Variants in RPS6KC1 observed in about 807,000 individuals in gnomAD.
The protein encoded by RPS6KC1 is ribosomal protein S6 kinase C1, also known as inactive ribosomal protein S6 kinase delta-1.
A neutral mutation model predicts 103.8 loss-of-function variants in RPS6KC1; 54 were observed. The ratio of observed to expected loss-of-function variants is 0.52; its 90% CI spans 0.42 to 0.65. The LOEUF (loss-of-function observed/expected upper bound fraction) is 0.65, where lower values mean the gene tolerates loss of function less well. RPS6KC1 is among the 30% of genes least tolerant of loss of function. The pLI is 0.00. For missense variants in RPS6KC1, 1,151 were observed against 1,253.8 expected (o/e 0.92, Z 1.24); for synonymous variants, 439 against 438.7 (o/e 1.00, Z -0.01).
chr1:213,162,769 GA>G (rs972405444), intron 6 of RPS6KC1, among the ~76,000 whole-genome samples: 1 of 152,214 alleles, frequency 6.6e-6, no homozygotes. Flanking sequence ...ACTGATAGCA[GA>G]AAAACTGCTA....
chr1:213,751,899 G>A, the RPS6KC1 span, among the ~76,000 whole-genome samples: 1 of 152,158 alleles, frequency 6.6e-6, no homozygotes, highest in African/African-American at 2.4e-5. Flanking sequence ...ATGTAAAGAA[G>A]TGGTTAAGGT....
the RPS6KC1 span, among the ~76,000 whole-genome samples, chr1:213,823,726 C>CCACACA: frequency 0.61 from 88,979 of 146,270 alleles, 29,605 homozygotes; most frequent in Non-Finnish European, 0.75. Flanking sequence ...GCTATCACAG[C>CCACACA]CACACACACA....
intron 8 of RPS6KC1, among the ~76,000 whole-genome samples, chr1:213,217,187 G>A (rs914425368): frequency 2.6e-5 from 4 of 151,590 alleles, no homozygotes; most frequent in African/African-American, 9.8e-5. Flanking sequence ...TGATAAAGGG[G>A]ATATCACTAC....
intron 8 of RPS6KC1, among the ~76,000 whole-genome samples, chr1:213,205,723 C>T (rs1234811676): frequency 6.6e-6 from 1 of 150,820 alleles, no homozygotes; most frequent in African/African-American, 2.4e-5. Flanking sequence ...AGTTATTTTT[C>T]TTCAATTCAA....
At chr1:213,649,828 G>A in the RPS6KC1 span, among the ~76,000 whole-genome samples, 1 of 152,198 alleles carries the variant, frequency 6.6e-6, no homozygotes, top group East Asian at 1.9e-4. Flanking sequence ...GCTTGTACAA[G>A]CATAGAGAAC....
At chr1:213,725,681 G>C in the RPS6KC1 span, among the ~76,000 whole-genome samples, 1 of 152,178 alleles carries the variant, frequency 6.6e-6, no homozygotes, top group Admixed American at 6.5e-5. Flanking sequence ...CACACTGGTG[G>C]ATAACCCTGC....
intron 3 of RPS6KC1, among the ~76,000 whole-genome samples, chr1:213,090,930 G>T (rs1407528159): frequency 6.6e-6 from 1 of 152,222 alleles, no homozygotes; most frequent in Non-Finnish European, 1.5e-5. Context: ...AATCTCTAAT[G>T]TCTGGCTTAA....
chr1:213,220,310 CA>C (rs1171368141), intron 8 of RPS6KC1, among the ~76,000 whole-genome samples: 2 of 152,158 alleles, frequency 1.3e-5, no homozygotes, highest in Non-Finnish European at 1.5e-5. Flanking sequence ...AGAATTAACA[CA>C]AAAAAATTGC....
At chr1:213,472,503 G>A in the RPS6KC1 span, among the ~76,000 whole-genome samples, 4 of 152,194 alleles carry the variant, frequency 2.6e-5, no homozygotes, top group Non-Finnish European at 4.4e-5. Context: ...TAGAGCCCGT[G>A]AGGCTTTGGG....
intron 14 of RPS6KC1, among the ~76,000 whole-genome samples, chr1:213,266,354 A>G (rs1053846348): frequency 1.3e-5 from 2 of 152,216 alleles, no homozygotes; most frequent in Non-Finnish European, 2.9e-5. Context: ...CCAAGAGTGG[A>G]ATTTCCTATA....
chr1:213,093,790 T>A (rs1398767846), intron 3 of RPS6KC1, among the ~76,000 whole-genome samples: 1 of 152,208 alleles, frequency 6.6e-6, no homozygotes, highest in African/African-American at 2.4e-5. Context: ...CTGTATAATA[T>A]TTAGCTCCAT....
the RPS6KC1 span, among the ~76,000 whole-genome samples, chr1:213,596,881 C>T: frequency 6.6e-6 from 1 of 152,190 alleles, no homozygotes; most frequent in Non-Finnish European, 1.5e-5. Flanking sequence ...TTATTAATTG[C>T]TTTACGTATT....
chr1:213,826,940 C>A, the RPS6KC1 span, among the ~76,000 whole-genome samples: 2 of 152,194 alleles, frequency 1.3e-5, no homozygotes, highest in African/African-American at 4.8e-5. Context: ...TCTGCTGCTT[C>A]TAGTAGTCAT....
the RPS6KC1 span, among the ~76,000 whole-genome samples, chr1:213,325,715 T>C: frequency 6.6e-6 from 1 of 152,162 alleles, no homozygotes. Context: ...CCCCTCCCTA[T>C]TGGAAGTTCC....
chr1:213,453,033 T>C, the RPS6KC1 span, among the ~76,000 whole-genome samples: 79,463 of 151,544 alleles, frequency 0.52, 21,383 homozygotes, highest in East Asian at 0.68. Flanking sequence ...AAGGAGCATC[T>C]GACAAAGGTA....
At chr1:213,578,731 G>A in the RPS6KC1 span, among the ~76,000 whole-genome samples, 46 of 152,116 alleles carry the variant, frequency 3.0e-4, no homozygotes, top group Non-Finnish European at 1.2e-4. Context: ...CCCATTGCCT[G>A]TATCCTATTG....
chr1:213,311,011 A>G, the RPS6KC1 span, among the ~76,000 whole-genome samples: 1 of 152,110 alleles, frequency 6.6e-6, no homozygotes, highest in African/African-American at 2.4e-5. Flanking sequence ...TGGGGCGAAG[A>G]CACTCGTTCA....
chr1:213,781,007 A>T, the RPS6KC1 span, among the ~76,000 whole-genome samples: 1 of 152,196 alleles, frequency 6.6e-6, no homozygotes, highest in Non-Finnish European at 1.5e-5. Context: ...TGGGTAACAG[A>T]GCGAGATTCT....
the RPS6KC1 span, among the ~76,000 whole-genome samples, chr1:213,614,563 G>A: frequency 5.9e-5 from 9 of 152,172 alleles, no homozygotes; most frequent in Non-Finnish European, 1.2e-4. Flanking sequence ...TGTTCCAGTC[G>A]GCCTGCCTCA....
Sources: allele counts gnomAD v4.1 joint callset (sites outside exome capture counted in the v4.1 genomes callset), GRCh38; gene constraint gnomAD v4.1.1; transcripts MANE v1.5; gene names NCBI Gene and HGNC (gene_info 2026-07-23, HGNC 2026-07-21).